KATNB1: variants seen among roughly 807,000 people sequenced by gnomAD.
The protein encoded by KATNB1 is katanin p80 WD40 repeat-containing subunit B1.
In KATNB1, 38 loss-of-function variants were observed where a neutral mutation model predicts 82.3. That is an observed-to-expected ratio of 0.46 (90% CI 0.36 to 0.61). The LOEUF is 0.61. Ranked by LOEUF, KATNB1 falls within the 20% of genes least tolerant of loss-of-function variation. The pLI is 0.00. For synonymous variants in KATNB1, 361 were observed against 368.7 expected, an observed-to-expected ratio of 0.98 and a Z score of 0.24; for missense variants, 749 against 915.7, an observed-to-expected ratio of 0.82 and a Z score of 2.35.
rs1227639687 is a variant in KATNB1, at chr16:57,753,462, G to A, written c.1120G>A (p.Ala374Thr). The A allele has an allele frequency of 9.3e-6, 15 of 1,613,120 alleles. No homozygotes were observed. The highest frequency in any genetic ancestry group is 1.2e-5 in the Non-Finnish European group (14 of 1,179,948). ...TGACCGGGACGAGCGCGAGTCCCGC[G>A]CGGAGATCCAGAACGCCGAGGACTA... Reference protein sequence around the residue: ...EDDRDERESRAEIQNAEDYNE... With the variant: ...EDDRDERESRTEIQNAEDYNE... The change falls in exon 12 of 20, where the codon GCG becomes ACG. Residue 374 changes from alanine to threonine, a missense_variant. Around this residue, in one of 3 missense-constraint regions of KATNB1, gnomAD observed 407 missense variants for 434.7 expected, o/e 0.94. Coordinates refer to ENST00000379661, the MANE Select transcript of KATNB1 (RefSeq NM_005886.3).
At chr16:57,756,296 GTTTCTC>G in intron 18 of KATNB1, 54 bp from the exon 19 acceptor site, 6 of 1,462,430 alleles carry the variant, frequency 4.1e-6, no homozygotes, top group South Asian at 1.2e-5. Flanking sequence ...GTTCCTTGCT[GTTTCTC>G]TTTCTGTCTG....
rs1052949538 is a variant in KATNB1 at position 57,752,937 on chromosome 16, G to A, written c.855+9G>A. 1.4e-5 allele frequency: 23 copies of A among 1,601,658 alleles called. No homozygotes were observed. Among genetic ancestry groups the A allele is most frequent in the Non-Finnish European group, 2.0e-5 (23 of 1,179,426 alleles). ...TCTGCAATGACCAGTTGGTGAGAGAGCCATGGCACCCACCGCCCCCCACTC... is the reference window on the plus strand; with the variant it reads ...TCTGCAATGACCAGTTGGTGAGAGAACCATGGCACCCACCGCCCCCCACTC... On this transcript the variant is annotated intron_variant, in intron 10 of 19. Coordinates refer to ENST00000379661, the MANE Select transcript of KATNB1 (RefSeq NM_005886.3).
chr16:57,756,961 A>C lies in KATNB1; in HGVS notation c.*15A>C, dbSNP rs1283001313. 1 of 1,505,718 alleles carries C rather than the reference A, an allele frequency of 6.6e-7. No homozygotes were observed. The highest frequency in any genetic ancestry group is 8.9e-7 in the Non-Finnish European group (1 of 1,121,848). The allele number at this position is 1,505,718 out of a possible 1,614,324, so 93.3% of individuals were successfully genotyped here. On this transcript the variant is annotated 3_prime_UTR_variant, in exon 20 of 20. Transcript: ENST00000379661. ...GTCTGGACTGAGGAAAGCAGTGGGC[A>C]GGGGCGCTCGGCAGCCCACAGGGCC... is the stretch of plus-strand genomic sequence containing the variant.
intron 3 of KATNB1, 72 bp downstream of exon 3, chr16:57,741,889 G>A (rs2049146434): frequency 6.6e-7 from 1 of 1,510,560 alleles, no homozygotes. Flanking sequence ...GTTGGAGGCT[G>A]AAGAGTGAGC....
chr16:57,746,909 T>C (rs1555581583), intron 4 of KATNB1, among the ~76,000 whole-genome samples: 1 of 152,152 alleles, frequency 6.6e-6, no homozygotes, highest in Admixed American at 6.5e-5. Flanking sequence ...TTTGAGACAG[T>C]GTCACTCTGT....
Position 57,752,773 on chromosome 16 carries a change from C to T in KATNB1, c.705-5C>T, listed in dbSNP as rs782352551. 3 of 1,608,856 alleles carry T rather than the reference C, an allele frequency of 1.9e-6. No homozygotes were observed. Among genetic ancestry groups the T allele is most frequent in the Non-Finnish European group, 2.5e-6 (3 of 1,178,938 alleles). On this transcript the variant is annotated splice_polypyrimidine_tract_variant and splice_region_variant and intron_variant, in intron 9 of 19. Transcript: ENST00000379661. Reference sequence around the variant, plus strand: ...GGACCCACGGCCATCTCTCGCCTGGCCCAGGAGCGTCCTCTTCAACCCAGA... The same window carrying T: ...GGACCCACGGCCATCTCTCGCCTGGTCCAGGAGCGTCCTCTTCAACCCAGA...
chr16:57,754,824 G>A, intron 13 of KATNB1, 106 bp from the exon 14 acceptor site: 3 of 1,180,320 alleles, frequency 2.5e-6, no homozygotes, highest in Non-Finnish European at 2.5e-6. Flanking sequence ...CCATGCTCCT[G>A]CTCCATCCCC....
intron 4 of KATNB1, among the ~76,000 whole-genome samples, chr16:57,747,583 C>T (rs1322151005): frequency 1.3e-5 from 2 of 152,214 alleles, no homozygotes; most frequent in African/African-American, 4.8e-5. Flanking sequence ...CGTCTCGGCA[C>T]GTGATCGCAC....
chr16:57,744,892 CG>C (rs1192885273), intron 4 of KATNB1, among the ~76,000 whole-genome samples: 1 of 152,144 alleles, frequency 6.6e-6, no homozygotes, highest in African/African-American at 2.4e-5. Context: ...CATGAAGAAC[CG>C]GGGAGCTTGT....
intron 2 of KATNB1, 28 bp downstream of exon 2, chr16:57,737,311 C>A (rs1449465975): frequency 1.2e-6 from 2 of 1,613,538 alleles, no homozygotes; most frequent in East Asian, 2.2e-5. Context: ...TTCTTTATCA[C>A]CCCATTTATT....
Position 57,755,506 on chromosome 16 carries a change from C to T in KATNB1, c.1566+12C>T, listed in dbSNP as rs2148796568. 1 of 1,609,394 alleles carries T rather than the reference C, an allele frequency of 6.2e-7. No individual in the cohort carries two copies. Among genetic ancestry groups the T allele is most frequent in the Non-Finnish European group, 8.5e-7 (1 of 1,177,116 alleles). On this transcript the variant is annotated intron_variant, in intron 16 of 19. Coordinates refer to ENST00000379661, the MANE Select transcript of KATNB1 (RefSeq NM_005886.3). ...TGGGCGACATCAAGGCAAGTGCCCA[C>T]CCTTGCACAGGGCCTCATCTCGCCC...
chr16:57,752,941 T>C lies in KATNB1; in HGVS notation c.855+13T>C, dbSNP rs893865322. ...CAATGACCAGTTGGTGAGAGAGCCATGGCACCCACCGCCCCCCACTCCCAC... is the reference window on the plus strand; with the variant it reads ...CAATGACCAGTTGGTGAGAGAGCCACGGCACCCACCGCCCCCCACTCCCAC... On this transcript the variant is annotated intron_variant, in intron 10 of 19. Transcript: ENST00000379661. 1.9e-6 allele frequency: 3 copies of C among 1,600,928 alleles called. No individual in the cohort carries two copies. Among genetic ancestry groups the C allele is most frequent in the Non-Finnish European group, 2.5e-6 (3 of 1,179,314 alleles).
intron 3 of KATNB1, among the ~76,000 whole-genome samples, 157 bp from the exon 4 acceptor site, chr16:57,744,237 A>G (rs1484372278): frequency 6.6e-6 from 1 of 152,082 alleles, no homozygotes; most frequent in Non-Finnish European, 1.5e-5. Context: ...AGGTGCTCAG[A>G]AAGGGCCTGC....
In KATNB1 at chr16:57,748,914, C is replaced by T. The variant is rs535058261; in HGVS notation, c.290-1913C>T. On this transcript the variant is annotated intron_variant, in intron 4 of 19. Transcript: ENST00000379661. Reference sequence around the variant, plus strand: ...GGATCCAAGCTGAGTGGGCTGGGAGCGGGTGTGGACTGGAGCAAGAGCCAG... The same window carrying T: ...GGATCCAAGCTGAGTGGGCTGGGAGTGGGTGTGGACTGGAGCAAGAGCCAG... 5.3e-5 allele frequency among the ~76,000 whole-genome samples: 8 copies of T among 152,320 alleles called. No homozygotes were observed. The South Asian group carries it at 6.2e-4, about 12-fold the overall frequency.
intron 11 of KATNB1, 24 bp from the exon 12 acceptor site, chr16:57,753,365 T>C (rs1555584312): frequency 1.9e-6 from 3 of 1,602,356 alleles, no homozygotes; most frequent in Admixed American, 1.7e-5. Context: ...CCTGCTTCCG[T>C]TGGGCTTGGC....
At chr16:57,756,208 G>T (rs1040650572) in intron 18 of KATNB1, 142 bp downstream of exon 18, 9 of 1,156,240 alleles carry the variant, frequency 7.8e-6, no homozygotes, top group Non-Finnish European at 1.1e-5. Flanking sequence ...TCAACAGTCC[G>T]GAGGTGGGAG....
At chr16:57,737,415 AC>A in intron 2 of KATNB1, 132 bp downstream of exon 2, 1 of 974,596 alleles carries the variant, frequency 1.0e-6, no homozygotes, top group South Asian at 1.5e-5. Context: ...AGTAAGATAG[AC>A]CATTATGTAA....
intron 16 of KATNB1, 40 bp downstream of exon 16, chr16:57,755,534 CT>C: frequency 6.3e-7 from 1 of 1,592,778 alleles, no homozygotes; most frequent in South Asian, 1.1e-5. Flanking sequence ...TCTCGCCCCC[CT>C]GCCCCTGCCA....
chr16:57,755,948 G>C (rs565893070), intron 17 of KATNB1, 31 bp downstream of exon 17: 30 of 1,608,652 alleles, frequency 1.9e-5, no homozygotes, highest in Non-Finnish European at 2.4e-5. Context: ...AGTGGGCGGA[G>C]GGGCAGGGCT....
Sources: gnomAD v4.1 joint callset for allele counts (sites outside exome capture counted in the v4.1 genomes callset) on GRCh38, gnomAD v4.1.1 for gene constraint, gnomAD v4.1.1 regional missense constraint, MANE v1.5 for transcripts, NCBI Gene and HGNC (gene_info 2026-07-23, HGNC 2026-07-21) for gene names.